The following RAB3IP variants were observed in gnomAD, a reference collection of about 807,000 sequenced individuals.
RAB3IP encodes the protein rab-3A-interacting protein.
Under a neutral mutation model 59.1 loss-of-function variants are expected in RAB3IP, and 36 were observed. The observed-to-expected ratio is 0.61, with a 90% CI of 0.47 to 0.80. The LOEUF is 0.80. Ranked by LOEUF, RAB3IP falls within the 30% of genes least tolerant of loss-of-function variation. RAB3IP has a pLI of 0.00. For missense variants in RAB3IP, 511 were observed against 536.0 expected (o/e 0.95, Z 0.46); for synonymous variants, 207 against 191.2 (o/e 1.08, Z -0.68).
intron 1 of RAB3IP, among the ~76,000 whole-genome samples, chr12:69,747,546 C>T (rs984664703): frequency 6.6e-6 from 1 of 152,100 alleles, no homozygotes; most frequent in Admixed American, 6.6e-5. Flanking sequence ...CACAAGCAAC[C>T]GTCCTGTCTT....
At chr12:69,753,203 C>G (rs527538548) in intron 1 of RAB3IP, among the ~76,000 whole-genome samples, 52 of 152,270 alleles carry the variant, frequency 3.4e-4, no homozygotes, top group Non-Finnish European at 6.5e-4. Context: ...TGAGTCAGAT[C>G]TCTTTCAACT....
rs994178618 is a variant in RAB3IP at position 69,738,882 on chromosome 12, T to G, written c.-175T>G. 6.6e-5 allele frequency: 10 copies of G among 151,864 alleles called. No individual in the cohort carries two copies. The East Asian group carries it at 7.8e-4, about 12-fold the overall frequency. 9.4% of individuals were successfully genotyped at this position (151,864 alleles called of 1,614,324 possible). Reference sequence around the variant, plus strand: ...GGCGCAGGCGCAGTCCCGCGTTCCCTCGGCGGCTGCCGGCGTAGTGAGCCC... The same window carrying G: ...GGCGCAGGCGCAGTCCCGCGTTCCCGCGGCGGCTGCCGGCGTAGTGAGCCC... On this transcript the variant is annotated 5_prime_UTR_variant, in exon 1 of 11. Coordinates refer to ENST00000247833, the MANE Select transcript of RAB3IP (RefSeq NM_022456.5).
chr12:69,822,894 T>C lies in RAB3IP; in HGVS notation c.*7448T>C, dbSNP rs1881913240. The C allele has an allele frequency of 6.6e-6, 1 of 152,220 alleles. No individual in the cohort carries two copies. Among genetic ancestry groups the C allele is most frequent in the African/African-American group, 2.4e-5 (1 of 41,460 alleles). The allele number at this position is 152,220 out of a possible 1,614,324, so 9.4% of individuals were successfully genotyped here. Reference sequence around the variant, plus strand: ...CACCATACTAGGCACACAATCTCTGTACCTGTGCTGTCTTCCAAGCCATTG... The same window carrying C: ...CACCATACTAGGCACACAATCTCTGCACCTGTGCTGTCTTCCAAGCCATTG... On this transcript the variant is annotated 3_prime_UTR_variant, in exon 11 of 11. Coordinates refer to ENST00000247833, the MANE Select transcript of RAB3IP (RefSeq NM_022456.5).
intron 8 of RAB3IP, among the ~76,000 whole-genome samples, chr12:69,806,421 G>A (rs1338438633): frequency 1.3e-5 from 2 of 151,898 alleles, no homozygotes; most frequent in Non-Finnish European, 2.9e-5. Flanking sequence ...CGGTCTATCA[G>A]TTTTGTTGAT....
At chr12:69,751,909 A>G (rs1869372414) in intron 1 of RAB3IP, among the ~76,000 whole-genome samples, 1 of 152,044 alleles carries the variant, frequency 6.6e-6, no homozygotes, top group Admixed American at 6.6e-5. Flanking sequence ...CTGTAAAGCA[A>G]GGTACTTACA....
chr12:69,806,430 A>T (rs1879281376), intron 8 of RAB3IP, among the ~76,000 whole-genome samples: 2 of 151,568 alleles, frequency 1.3e-5, no homozygotes, highest in African/African-American at 4.8e-5. Context: ...AGTTTTGTTG[A>T]TCTTTTCAAA....
At chr12:69,750,168 G>A (rs377718157) in intron 1 of RAB3IP, among the ~76,000 whole-genome samples, 2 of 152,096 alleles carry the variant, frequency 1.3e-5, no homozygotes, top group Non-Finnish European at 2.9e-5. Flanking sequence ...CCATAGATGC[G>A]CTATGCTTAA....
chr12:69,762,948 A>T (rs1355360724), intron 3 of RAB3IP, among the ~76,000 whole-genome samples: 3 of 151,820 alleles, frequency 2.0e-5, no homozygotes, highest in Non-Finnish European at 4.4e-5. Flanking sequence ...ATTAACAAAT[A>T]TTTTTTTATG....
intron 8 of RAB3IP, among the ~76,000 whole-genome samples, chr12:69,808,289 C>T (rs1235900328): frequency 6.6e-6 from 1 of 152,004 alleles, no homozygotes; most frequent in Non-Finnish European, 1.5e-5. Context: ...TTTACATTTG[C>T]TGAGGTGTGC....
In RAB3IP at chr12:69,755,627, A is replaced by G; in HGVS notation, c.219A>G (p.Arg73=). ...CACAACCCGTGTATTCATCCCCCAG[A>G]CGTTTAAATTGTGCGGAAATATCTA... ...LPTQPVYSSP[R]RLNCAEISSI... Residue 73 remains arginine (R), a synonymous_variant, in exon 2 of 11, where the codon AGA becomes AGG. Coordinates refer to ENST00000247833, the MANE Select transcript of RAB3IP (RefSeq NM_022456.5). 1.2e-6 allele frequency: 2 copies of G among 1,613,476 alleles called. No individual in the cohort carries two copies. The highest frequency in any genetic ancestry group is 8.5e-7 in the Non-Finnish European group (1 of 1,179,748).
intron 5 of RAB3IP, 121 bp from the exon 6 acceptor site, chr12:69,795,020 A>G: frequency 1.3e-6 from 1 of 744,794 alleles, no homozygotes; most frequent in Non-Finnish European, 2.2e-6. Flanking sequence ...ATTACTCCAC[A>G]GGAAATACAA....
Position 69,771,351 on chromosome 12 carries a change from C to T in RAB3IP, c.511-13369C>T, listed in dbSNP as rs540759138. Among the ~76,000 whole-genome samples the T allele has an allele frequency of 4.6e-5, 7 of 152,178 alleles. No individual in the cohort carries two copies. In the South Asian group the frequency reaches 1.2e-3, roughly 27 times the overall value. ...TTCAAGACCAGCCTAGGCAACATAG[C>T]GAGATGCCATTTCTGCAAAAAATAA... is the stretch of plus-strand genomic sequence containing the variant. On this transcript the variant is annotated intron_variant, in intron 3 of 10. Transcript: ENST00000247833.
chr12:69,812,819 G>A lies in RAB3IP; in HGVS notation c.1172G>A (p.Arg391Lys), dbSNP rs1156530661. ...LTGQSKSCKH[R>K]IKLGDSSNYY... ...GGCCAGAGTAAGTCCTGTAAACACA[G>A]AATTAAATTAGGGGACTCAAGCAAC... Residue 391 changes from arginine to lysine, a missense_variant, in exon 9 of 11, where the codon AGA becomes AAA. Transcript: ENST00000247833. 6.2e-7 allele frequency: 1 copy of A among 1,613,172 alleles called. No individual in the cohort carries two copies. The highest frequency in any genetic ancestry group is 8.5e-7 in the Non-Finnish European group (1 of 1,179,286).
intron 3 of RAB3IP, among the ~76,000 whole-genome samples, chr12:69,757,811 T>C (rs1165514302): frequency 6.6e-6 from 1 of 152,212 alleles, no homozygotes; most frequent in African/African-American, 2.4e-5. Context: ...TCTTAATAGA[T>C]AGTATTTTAT....
rs757625045 is a variant in RAB3IP, at chr12:69,755,643, G to A, written c.235G>A (p.Glu79Lys). Reference sequence around the variant, plus strand: ...ATCCCCCAGACGTTTAAATTGTGCGGAAATATCTAGTATCAGGTAGGAAAT... The same window carrying A: ...ATCCCCCAGACGTTTAAATTGTGCGAAAATATCTAGTATCAGGTAGGAAAT... ...YSSPRRLNCAEISSISFHVTD... is the reference protein window; with the variant it reads ...YSSPRRLNCAKISSISFHVTD... Residue 79 changes from glutamate to lysine, a missense_variant, in exon 2 of 11, where the codon GAA (glutamate) becomes AAA (lysine). Transcript: ENST00000247833. The A allele has an allele frequency of 1.2e-6, 2 of 1,612,500 alleles. No individual in the cohort carries two copies. The highest frequency in any genetic ancestry group is 1.7e-6 in the Non-Finnish European group (2 of 1,178,914).
At chr12:69,763,913 C>T (rs1390687162) in intron 3 of RAB3IP, among the ~76,000 whole-genome samples, 1 of 152,182 alleles carries the variant, frequency 6.6e-6, no homozygotes, top group African/African-American at 2.4e-5. Flanking sequence ...CCAGCTGCAT[C>T]AGTGTTGCTG....
At chr12:69,787,628 T>A (rs1875905445) in intron 4 of RAB3IP, among the ~76,000 whole-genome samples, 1 of 152,150 alleles carries the variant, frequency 6.6e-6, no homozygotes, top group Admixed American at 6.5e-5. Context: ...TATTTCTTCA[T>A]TCCACACTCA....
chr12:69,808,696 GT>G (rs1879885647), intron 8 of RAB3IP, among the ~76,000 whole-genome samples: 1 of 152,166 alleles, frequency 6.6e-6, no homozygotes, highest in African/African-American at 2.4e-5. Flanking sequence ...TTTAAAGTCT[GT>G]TTTATCCGAG....
chr12:69,773,423 T>TA (rs1873530330), intron 3 of RAB3IP, among the ~76,000 whole-genome samples: 3 of 126,464 alleles, frequency 2.4e-5, no homozygotes, highest in African/African-American at 3.1e-5. Context: ...TTTTTTTTTT[T>TA]ATTATACTCT....
Sources: allele counts gnomAD v4.1 joint callset (sites outside exome capture counted in the v4.1 genomes callset), GRCh38; gene constraint gnomAD v4.1.1; transcripts MANE v1.5; gene names NCBI Gene and HGNC (gene_info 2026-07-23, HGNC 2026-07-21).